Variants in CYP4X1 observed in about 807,000 individuals in gnomAD.
CYP4X1 encodes the protein cytochrome P450 family 4 subfamily X member 1.
Under a neutral mutation model 57.9 loss-of-function variants are expected in CYP4X1, and 44 were observed. The ratio of observed to expected loss-of-function variants is 0.76; its 90% confidence interval spans 0.60 to 0.98. CYP4X1 has a LOEUF of 0.98. Among genes scored for constraint, CYP4X1 ranks in the 50% least tolerant of loss-of-function variants. The pLI, the probability that CYP4X1 is intolerant of heterozygous loss-of-function variation, is 0.00. For missense variants in CYP4X1, 532 were observed against 623.9 expected (o/e 0.85, Z 1.57); for synonymous variants, 227 against 228.6 (o/e 0.99, Z 0.06).
the CYP4X1 span, among the ~76,000 whole-genome samples, chr1:46,983,959 G>T: frequency 1.3e-5 from 2 of 152,100 alleles, no homozygotes; most frequent in East Asian, 1.9e-4. Flanking sequence ...TATCCTGAGG[G>T]CATGCAAGAG....
chr1:47,023,816 C>T lies in CYP4X1; in HGVS notation c.-2C>T. On this transcript the variant is annotated 5_prime_UTR_variant, in exon 1 of 12. Coordinates refer to ENST00000371901, the MANE Select transcript of CYP4X1 (RefSeq NM_178033.2). ...CGCCGGCGTTCGGCGCTGCGCAGAG[C>T]CATGGAATTCTCCTGGCTGGAGACG... is the stretch of plus-strand genomic sequence containing the variant. The T allele has an allele frequency of 6.2e-7, 1 of 1,612,478 alleles. No homozygotes were observed. Among genetic ancestry groups the T allele is most frequent in the South Asian group, 1.1e-5 (1 of 90,982 alleles).
downstream of CYP4X1, among the ~76,000 whole-genome samples, chr1:47,052,432 A>G (rs1644365405): frequency 1.3e-5 from 2 of 152,320 alleles, no homozygotes; most frequent in South Asian, 4.1e-4. Context: ...AAATGATAAC[A>G]AGTTCACAAA....
chr1:46,966,843 A>G, the CYP4X1 span, among the ~76,000 whole-genome samples: 2 of 152,334 alleles, frequency 1.3e-5, no homozygotes, highest in Middle Eastern at 3.4e-3. Context: ...ATGTCATTCA[A>G]TGACTTTGCA....
In CYP4X1 at chr1:47,050,104, TC is replaced by T; in HGVS notation, c.1464del (p.Asn489ThrfsTer15). 6.2e-7 allele frequency: 1 copy of T among 1,614,036 alleles called. No homozygotes were observed. On this transcript the variant is annotated frameshift_variant, in exon 12 of 12. Transcript: ENST00000371901. LOFTEE classifies it low-confidence loss of function (END_TRUNC). The part of the protein sequence containing the change: ...VTPDPTRPLT[F>X]PNHFILKPKN... Reference sequence around the variant, plus strand: ...CCAGACCCCACCAGGCCTCTTACTTTCCCCAACCATTTTATCCTCAAGCCCA... The same window carrying T: ...CCAGACCCCACCAGGCCTCTTACTTTCCCAACCATTTTATCCTCAAGCCCA...
the CYP4X1 span, among the ~76,000 whole-genome samples, chr1:46,997,845 C>A: frequency 6.6e-6 from 1 of 152,036 alleles, no homozygotes; most frequent in Non-Finnish European, 1.5e-5. Flanking sequence ...CCCTTTTCTA[C>A]GTATCTTTGC....
At chr1:46,963,666 C>G in the CYP4X1 span, among the ~76,000 whole-genome samples, 2 of 152,218 alleles carry the variant, frequency 1.3e-5, no homozygotes, top group Non-Finnish European at 2.9e-5. Context: ...TTCTCTCTGG[C>G]TGTCCTTAAC....
chr1:46,971,980 T>G, the CYP4X1 span, among the ~76,000 whole-genome samples: 11 of 152,238 alleles, frequency 7.2e-5, no homozygotes, highest in African/African-American at 2.7e-4. Context: ...TGCAATTGCT[T>G]TTAGAGTCTT....
the CYP4X1 span, among the ~76,000 whole-genome samples, chr1:46,980,414 T>G: frequency 3.9e-5 from 6 of 152,080 alleles, no homozygotes; most frequent in Admixed American, 2.0e-4. Context: ...GGAATCCAAC[T>G]TACAAGGGAT....
chr1:47,054,668 T>A (rs564606311), downstream of CYP4X1, among the ~76,000 whole-genome samples: 1 of 152,308 alleles, frequency 6.6e-6, no homozygotes, highest in Non-Finnish European at 1.5e-5. Flanking sequence ...GGTATTTTAT[T>A]CTCTTTGAAG....
At chr1:46,966,076 G>A in the CYP4X1 span, among the ~76,000 whole-genome samples, 4 of 152,252 alleles carry the variant, frequency 2.6e-5, no homozygotes, top group Non-Finnish European at 1.5e-5. Context: ...GAACAGCTGA[G>A]TCTACCAAAC....
the CYP4X1 span, among the ~76,000 whole-genome samples, chr1:47,014,553 TTC>T: frequency 6.6e-6 from 1 of 152,246 alleles, no homozygotes; most frequent in Non-Finnish European, 1.5e-5. Flanking sequence ...TTATTTTGAT[TTC>T]TGTTTCTATC....
the CYP4X1 span, among the ~76,000 whole-genome samples, chr1:47,014,503 A>G: frequency 1.3e-5 from 2 of 152,120 alleles, no homozygotes; most frequent in African/African-American, 4.8e-5. Flanking sequence ...ACACTTCTCC[A>G]TACCTCCTTA....
the CYP4X1 span, among the ~76,000 whole-genome samples, chr1:47,007,360 G>A: frequency 6.6e-6 from 1 of 152,226 alleles, no homozygotes; most frequent in Non-Finnish European, 1.5e-5. Flanking sequence ...ACCTGCAGCT[G>A]AGGGTCCTGA....
Position 47,031,486 on chromosome 1 carries a change from T to C in CYP4X1, c.364+6T>C. On this transcript the variant is annotated splice_donor_region_variant and intron_variant, in intron 3 of 11. Coordinates refer to ENST00000371901, the MANE Select transcript of CYP4X1 (RefSeq NM_178033.2). ...ATTCTCACCTCCACTTCTTGGTATG[T>C]ATGTGCAAATGAGAGGTATAACCCA... 3 of 1,614,020 alleles carry C rather than the reference T, an allele frequency of 1.9e-6. No homozygotes were observed. Among genetic ancestry groups the C allele is most frequent in the Non-Finnish European group, 2.5e-6 (3 of 1,179,936 alleles).
downstream of CYP4X1, among the ~76,000 whole-genome samples, chr1:47,055,345 A>G (rs909069969): frequency 6.6e-6 from 1 of 152,130 alleles, no homozygotes; most frequent in Admixed American, 6.5e-5. Flanking sequence ...GAATTTTTGC[A>G]TTGATGATCA....
chr1:47,033,941 A>C (rs951699054), intron 4 of CYP4X1, among the ~76,000 whole-genome samples: 10 of 152,246 alleles, frequency 6.6e-5, no homozygotes, highest in African/African-American at 2.4e-4. Context: ...ATGCTCTTAC[A>C]CAAGGAACAA....
In CYP4X1 at chr1:47,027,374, A is replaced by G. The variant is rs189504820; in HGVS notation, c.178-2616A>G. ...ACATAGGCAGTAACATTTTATTGCT[A>G]CATAATAACTACATATTTATGGAGT... On this transcript the variant is annotated intron_variant, in intron 1 of 11. Transcript: ENST00000371901. Among the ~76,000 whole-genome samples the G allele has an allele frequency of 2.5e-4, 38 of 152,314 alleles. No individual in the cohort carries two copies. The East Asian group carries it at 5.8e-3, about 23-fold the overall frequency.
At chr1:47,038,932 C>G (rs1454009163) in intron 7 of CYP4X1, among the ~76,000 whole-genome samples, 166 bp downstream of exon 7, 1 of 152,154 alleles carries the variant, frequency 6.6e-6, no homozygotes, top group Non-Finnish European at 1.5e-5. Context: ...AGAGAGAATT[C>G]TGCAACTGTG....
At chr1:47,008,855 C>A in the CYP4X1 span, among the ~76,000 whole-genome samples, 2 of 152,150 alleles carry the variant, frequency 1.3e-5, no homozygotes, top group African/African-American at 4.8e-5. Flanking sequence ...GGGATCAATA[C>A]AACAAGAAGA....
Sources: allele counts gnomAD v4.1 joint callset (sites outside exome capture counted in the v4.1 genomes callset), GRCh38; gene constraint gnomAD v4.1.1; transcripts MANE v1.5; gene names NCBI Gene and HGNC (gene_info 2026-07-23, HGNC 2026-07-21).